The following ANXA8 variants were observed in gnomAD, a reference collection of about 807,000 sequenced individuals.
ANXA8 encodes annexin A8, also known as VAC-beta.
A neutral mutation model predicts 26.8 loss-of-function variants in ANXA8; 9 were observed. That is an observed-to-expected ratio of 0.34 (90% CI 0.20 to 0.59). ANXA8 has a LOEUF of 0.59. Ranked by LOEUF, ANXA8 falls within the 20% of genes least tolerant of loss-of-function variation. The pLI is 0.84. For synonymous variants in ANXA8, 39 were observed against 94.8 expected (o/e 0.41, Z 3.42); for missense variants, 83 against 238.5 (o/e 0.35, Z 4.29).
At chr10:47,639,323 T>TTTTTTTGAGACGGAGTCTCGCTC in the ANXA8 span, among the ~76,000 whole-genome samples, 1 of 96,320 alleles carries the variant, frequency 1.0e-5, no homozygotes, top group East Asian at 3.2e-4. Flanking sequence ...TATTTTTTTT[T>TTTTTTTGAGACGGAGTCTCGCTC]TTTTTTTGAG....
At chr10:47,498,511 C>A in the ANXA8 span, among the ~76,000 whole-genome samples, 3 of 144,022 alleles carry the variant, frequency 2.1e-5, no homozygotes, top group Non-Finnish European at 3.0e-5. Flanking sequence ...TGGCTATATA[C>A]CCAGAAGTGA....
the ANXA8 span, among the ~76,000 whole-genome samples, chr10:47,727,492 G>T: frequency 1.3e-5 from 2 of 150,858 alleles, no homozygotes; most frequent in African/African-American, 2.4e-5. Context: ...TTAGTTGGGG[G>T]TGTCTAGTAA....
chr10:47,495,876 C>T, the ANXA8 span, among the ~76,000 whole-genome samples: 31 of 151,566 alleles, frequency 2.0e-4, 1 homozygote, highest in Admixed American at 2.0e-3. Context: ...AACACACATT[C>T]CCAGCAGGAG....
At chr10:47,686,803 T>C in the ANXA8 span, among the ~76,000 whole-genome samples, 1 of 151,940 alleles carries the variant, frequency 6.6e-6, no homozygotes, top group Admixed American at 6.6e-5. Flanking sequence ...CCTTTGGATT[T>C]GGCTTCTAGA....
chr10:47,737,082 A>G, the ANXA8 span, among the ~76,000 whole-genome samples: 4 of 147,384 alleles, frequency 2.7e-5, no homozygotes, highest in Non-Finnish European at 4.5e-5. Flanking sequence ...TTATTAAATT[A>G]GTATGTTCTC....
At chr10:47,647,561 G>C in the ANXA8 span, among the ~76,000 whole-genome samples, 1 of 149,168 alleles carries the variant, frequency 6.7e-6, no homozygotes, top group East Asian at 1.9e-4. Flanking sequence ...AGAGTGAAAT[G>C]GACAGATAAA....
chr10:47,630,504 AAAAG>A, the ANXA8 span, among the ~76,000 whole-genome samples: 1 of 149,088 alleles, frequency 6.7e-6, no homozygotes, highest in Non-Finnish European at 1.5e-5. Flanking sequence ...GAAAAAAGTA[AAAAG>A]TTAAGCTATC....
chr10:47,928,827 C>T, the ANXA8 span, among the ~76,000 whole-genome samples: 133 of 115,784 alleles, frequency 1.1e-3, no homozygotes, highest in African/African-American at 4.5e-3. Flanking sequence ...ATGAACATAG[C>T]TCACTGCAAC....
chr10:47,555,911 A>G, the ANXA8 span, among the ~76,000 whole-genome samples: 1 of 152,082 alleles, frequency 6.6e-6, no homozygotes, highest in Non-Finnish European at 1.5e-5. Flanking sequence ...GCTAGGCAGC[A>G]GTGGAACTGA....
the ANXA8 span, among the ~76,000 whole-genome samples, chr10:47,617,325 A>G: frequency 6.6e-6 from 1 of 151,126 alleles, no homozygotes; most frequent in African/African-American, 2.4e-5. Flanking sequence ...GTAACAAATT[A>G]TGAGAACAAA....
the ANXA8 span, chr10:47,599,879 A>C: frequency 6.7e-6 from 1 of 150,274 alleles, no homozygotes; most frequent in Non-Finnish European, 1.5e-5. Context: ...AGAGTGAGGG[A>C]GACCTGGGAG....
the ANXA8 span, among the ~76,000 whole-genome samples, chr10:47,977,970 TG>T: frequency 6.6e-6 from 1 of 150,914 alleles, no homozygotes; most frequent in African/African-American, 2.4e-5. Context: ...GAACTACAAG[TG>T]GTATAAAAAC....
chr10:47,667,762 G>C, the ANXA8 span, among the ~76,000 whole-genome samples: 1 of 151,192 alleles, frequency 6.6e-6, no homozygotes, highest in Non-Finnish European at 1.5e-5. Context: ...TTTTGAGATA[G>C]AGTATCACTC....
the ANXA8 span, among the ~76,000 whole-genome samples, chr10:47,769,863 G>A: frequency 9.9e-4 from 151 of 151,980 alleles, no homozygotes; most frequent in Non-Finnish European, 1.3e-3. Context: ...CCTGAGACTG[G>A]GTAATTTATA....
At chr10:47,700,124 A>C in the ANXA8 span, among the ~76,000 whole-genome samples, 17 of 152,026 alleles carry the variant, frequency 1.1e-4, no homozygotes, top group African/African-American at 3.9e-4. Context: ...ATGAAAATAT[A>C]TGTGTTGTGG....
chr10:47,718,234 G>T, the ANXA8 span, among the ~76,000 whole-genome samples: 2 of 151,658 alleles, frequency 1.3e-5, no homozygotes, highest in Non-Finnish European at 2.9e-5. Context: ...ATTCTGGGAG[G>T]CCAAGAAGAG....
the ANXA8 span, among the ~76,000 whole-genome samples, chr10:47,669,143 G>A: frequency 6.6e-6 from 1 of 151,830 alleles, no homozygotes; most frequent in Non-Finnish European, 1.5e-5. Flanking sequence ...CTAGAATTTT[G>A]CCTTGGTGGG....
the ANXA8 span, among the ~76,000 whole-genome samples, chr10:47,498,615 C>G: frequency 0.028 from 3,999 of 141,246 alleles, 22 homozygotes; most frequent in African/African-American, 0.098. Flanking sequence ...CCGCAAAGGC[C>G]AAGGAACCTG....
the ANXA8 span, among the ~76,000 whole-genome samples, chr10:47,504,848 T>TC: frequency 1.1e-5 from 1 of 94,916 alleles, no homozygotes; most frequent in Non-Finnish European, 2.3e-5. Flanking sequence ...TAACTGTTCT[T>TC]TTTTTTTTTT....
Sources: allele counts gnomAD v4.1 joint callset (sites outside exome capture counted in the v4.1 genomes callset), GRCh38; gene constraint gnomAD v4.1.1; transcripts MANE v1.5; gene names NCBI Gene and HGNC (gene_info 2026-07-23, HGNC 2026-07-21).